SLCO2A1: variants seen among roughly 807,000 people sequenced by gnomAD.
SLCO2A1 encodes matrin F/G 1.
SLCO2A1 carries 60 observed loss-of-function variants against 71.7 expected under a neutral mutation model. The ratio of observed to expected loss-of-function variants is 0.84; its 90% CI spans 0.68 to 1.04. The LOEUF (loss-of-function observed/expected upper bound fraction) is 1.04. Among genes scored for constraint, SLCO2A1 ranks in the 50% least tolerant of loss-of-function variants. The probability of loss-of-function intolerance (pLI) is 0.00; values close to 1 mark genes in which losing one functional copy is unlikely to be tolerated. For synonymous variants in SLCO2A1, 308 were observed against 326.7 expected (o/e 0.94, Z 0.62); for missense variants, 745 against 813.4 (o/e 0.92, Z 1.02).
At chr3:133,988,397 T>C (rs1934763045) in intron 1 of SLCO2A1, among the ~76,000 whole-genome samples, 1 of 152,188 alleles carries the variant, frequency 6.6e-6, no homozygotes, top group Admixed American at 6.5e-5. Flanking sequence ...GAACCTAAAC[T>C]ATAGGCTGGA....
intron 1 of SLCO2A1, among the ~76,000 whole-genome samples, chr3:133,994,561 C>T (rs1934923358): frequency 6.6e-6 from 1 of 152,226 alleles, no homozygotes; most frequent in South Asian, 2.1e-4. Flanking sequence ...CAGCCCTCTT[C>T]CTTCTCCCCA....
intron 1 of SLCO2A1, among the ~76,000 whole-genome samples, chr3:133,992,481 G>A (rs940182171): frequency 6.6e-6 from 1 of 152,242 alleles, no homozygotes; most frequent in African/African-American, 2.4e-5. Context: ...GCAGGCAGAA[G>A]AGGGCAGGTC....
intron 3 of SLCO2A1, among the ~76,000 whole-genome samples, chr3:133,961,136 A>C (rs1377906887): frequency 6.6e-6 from 1 of 152,044 alleles, no homozygotes; most frequent in Non-Finnish European, 1.5e-5. Context: ...AACACACTAG[A>C]GGACTTAGGA....
chr3:133,992,016 A>G (rs1934857952), intron 1 of SLCO2A1, among the ~76,000 whole-genome samples: 1 of 152,222 alleles, frequency 6.6e-6, no homozygotes. Flanking sequence ...TCCACCTTTA[A>G]CACTGCCTGG....
intron 1 of SLCO2A1, among the ~76,000 whole-genome samples, chr3:134,023,861 G>C (rs1935645599): frequency 6.6e-6 from 1 of 150,794 alleles, no homozygotes; most frequent in Admixed American, 6.7e-5. Flanking sequence ...GGTGTAGGCT[G>C]CATGGCTCTT....
At chr3:134,021,324 G>A (rs900508168) in intron 1 of SLCO2A1, among the ~76,000 whole-genome samples, 1 of 152,162 alleles carries the variant, frequency 6.6e-6, no homozygotes, top group Non-Finnish European at 1.5e-5. Context: ...GTGACACTAG[G>A]AAAACTTAAA....
intron 1 of SLCO2A1, among the ~76,000 whole-genome samples, chr3:134,002,282 C>T (rs552146436): frequency 7.2e-5 from 11 of 151,826 alleles, no homozygotes; most frequent in Non-Finnish European, 1.3e-4. Context: ...AAGGCTCCGT[C>T]CTCAGCACCC....
At position 134,002,888 on chromosome 3, in the gene SLCO2A1, G is replaced by A. The variant is rs139904087; in HGVS notation, c.97-23270C>T. On this transcript the variant is annotated intron_variant, in intron 1 of 13. Transcript: ENST00000310926. Reference sequence around the variant, plus strand: ...GTGCAAATCTATTGCATAAAACAGCGCAGCTAAAAAAAAAAGTCTTTCTCT... The same window carrying A: ...GTGCAAATCTATTGCATAAAACAGCACAGCTAAAAAAAAAAGTCTTTCTCT... Among the ~76,000 whole-genome samples the A allele has an allele frequency of 2.3e-3, 344 of 151,912 alleles. 1 individual carries two copies. Among genetic ancestry groups the A allele is most frequent in the African/African-American group, 7.8e-3 (324 of 41,440 alleles).
intron 1 of SLCO2A1, among the ~76,000 whole-genome samples, chr3:134,028,559 C>T (rs1935742978): frequency 6.6e-6 from 1 of 152,164 alleles, no homozygotes; most frequent in Admixed American, 6.5e-5. Flanking sequence ...AGGTGAGATC[C>T]ACTCTGACCT....
rs200370765 is a variant in SLCO2A1, at chr3:133,955,189, G to C, written c.402C>G (p.Asn134Lys). 6.2e-7 allele frequency: 1 copy of C among 1,612,308 alleles called. No individual in the cohort carries two copies. The highest frequency in any genetic ancestry group is 1.7e-5 in the Admixed American group (1 of 59,850). Reference protein sequence around the residue: ...PYQYTLASTGNNSRLQAELCQ... With the variant: ...PYQYTLASTGKNSRLQAELCQ... Reference sequence around the variant, plus strand: ...AGAGCTCGGCCTGCAAGCGGCTGTTGTTCCCTGCAACGAGAGTGCTTGCTG... The same window carrying C: ...AGAGCTCGGCCTGCAAGCGGCTGTTCTTCCCTGCAACGAGAGTGCTTGCTG... The change falls in exon 4 of 14, where the codon AAC (asparagine) becomes AAG (lysine). Residue 134 changes from asparagine to lysine, a missense_variant. Physicochemically the swap from Asn to Lys is moderately conservative, Grantham distance 94 (BLOSUM62 0). Transcript: ENST00000310926.
intron 3 of SLCO2A1, among the ~76,000 whole-genome samples, chr3:133,959,480 T>C (rs1933980207): frequency 6.7e-6 from 1 of 149,876 alleles, no homozygotes; most frequent in African/African-American, 2.5e-5. Flanking sequence ...GAATGTAAAG[T>C]GGTGTAGCCA....
chr3:133,945,513 G>T (rs767425084), intron 9 of SLCO2A1, among the ~76,000 whole-genome samples: 3 of 152,154 alleles, frequency 2.0e-5, no homozygotes, highest in Admixed American at 6.5e-5. Context: ...CTCTGGGAAG[G>T]CCTGGCTGGT....
At chr3:133,953,171 G>T (rs1196638738) in intron 5 of SLCO2A1, among the ~76,000 whole-genome samples, 1 of 152,006 alleles carries the variant, frequency 6.6e-6, no homozygotes, top group East Asian at 1.9e-4. Context: ...TAAGTAGCTG[G>T]GACTACAGGC....
At position 133,937,149 on chromosome 3, in the gene SLCO2A1, G is replaced by A. The variant is rs77950478; in HGVS notation, c.1691-1252C>T. ...CAAGGTCATTTTCAAGGTTGCTGGA[G>A]GAAGCAGGAAAGGGCTCTTTAGAGC... On this transcript the variant is annotated intron_variant, in intron 12 of 13. Coordinates refer to ENST00000310926, the MANE Select transcript of SLCO2A1 (RefSeq NM_005630.3). 7.2e-3 allele frequency among the ~76,000 whole-genome samples: 1,089 copies of A among 152,286 alleles called. 13 individuals are homozygous for A. The highest frequency in any genetic ancestry group is 0.025 in the African/African-American group (1,039 of 41,550).
chr3:133,953,273 G>A (rs1228517876), intron 5 of SLCO2A1, among the ~76,000 whole-genome samples: 3 of 152,150 alleles, frequency 2.0e-5, no homozygotes, highest in African/African-American at 2.4e-5. Flanking sequence ...TCCTGACCTC[G>A]TGATCCACCC....
intron 1 of SLCO2A1, among the ~76,000 whole-genome samples, chr3:134,018,459 T>C (rs934851186): frequency 1.3e-5 from 2 of 152,164 alleles, no homozygotes; most frequent in African/African-American, 4.8e-5. Flanking sequence ...TCTCCCCCCA[T>C]TTTTTGGTCC....
rs776688616 is a variant in SLCO2A1 at position 133,935,887 on chromosome 3, T to G, written c.1701A>C (p.Pro567=). 1.4e-5 allele frequency: 22 copies of G among 1,599,706 alleles called. No individual in the cohort carries two copies. In the South Asian group the frequency reaches 2.4e-4, roughly 17 times the overall value. ...FLLMRLLAWL[P]SPALYGLTID... Reference sequence around the variant, plus strand: ...TGGTGAGGCCATAGAGGGCTGGAGATGGCAGCCAGGCTGGAAGAGGGTTCA... The same window carrying G: ...TGGTGAGGCCATAGAGGGCTGGAGAGGGCAGCCAGGCTGGAAGAGGGTTCA... Residue 567 remains proline, a synonymous_variant, in exon 13 of 14, where the codon CCA becomes CCC. Coordinates refer to ENST00000310926, the MANE Select transcript of SLCO2A1 (RefSeq NM_005630.3).
At chr3:133,988,284 C>G (rs972525254) in intron 1 of SLCO2A1, among the ~76,000 whole-genome samples, 4 of 152,184 alleles carry the variant, frequency 2.6e-5, no homozygotes, top group African/African-American at 9.7e-5. Context: ...CAAATAAGAA[C>G]TTGGGTCTCC....
At chr3:134,013,557 A>T (rs946448207) in intron 1 of SLCO2A1, among the ~76,000 whole-genome samples, 3 of 152,078 alleles carry the variant, frequency 2.0e-5, no homozygotes, top group African/African-American at 7.2e-5. Flanking sequence ...CACTTGTCCC[A>T]CTTAAATTGT....
Sources: allele counts gnomAD v4.1 joint callset (sites outside exome capture counted in the v4.1 genomes callset), GRCh38; gene constraint gnomAD v4.1.1; transcripts MANE v1.5; gene names NCBI Gene and HGNC (gene_info 2026-07-23, HGNC 2026-07-21).